The following SDK2 variants were observed in gnomAD, a reference collection of about 807,000 sequenced individuals.
SDK2 encodes the protein sidekick cell adhesion molecule 2.
Under a neutral mutation model 253.9 loss-of-function variants are expected in SDK2, and 105 were observed. That is an observed-to-expected ratio of 0.41 (90% CI 0.35 to 0.49). The LOEUF is 0.49. Ranked by LOEUF, SDK2 falls within the 20% of genes least tolerant of loss-of-function variation. The pLI is 0.06. For missense variants in SDK2, 2,608 were observed against 3,003.0 expected (o/e 0.87, Z 3.07); for synonymous variants, 1,249 against 1,234.9 (o/e 1.01, Z -0.24).
At chr17:73,466,783 C>T (rs2063603025) in intron 3 of SDK2, among the ~76,000 whole-genome samples, 1 of 136,414 alleles carries the variant, frequency 7.3e-6, no homozygotes, top group Non-Finnish European at 1.5e-5. Context: ...ACAGTTCTTT[C>T]CAGGCTGGGC....
intron 1 of SDK2, among the ~76,000 whole-genome samples, chr17:73,553,574 G>C (rs76823789): frequency 6.6e-6 from 1 of 151,328 alleles, no homozygotes; most frequent in South Asian, 2.2e-4. Flanking sequence ...AGGAAGGACA[G>C]GGGGGGACAG....
At chr17:73,381,874 A>T (rs1373135782) in intron 33 of SDK2, among the ~76,000 whole-genome samples, 10 of 150,984 alleles carry the variant, frequency 6.6e-5, no homozygotes, top group Non-Finnish European at 1.3e-4. Flanking sequence ...AGCCTGGGTG[A>T]CAGAGCAAGA....
In SDK2 at chr17:73,431,237, A is replaced by T. The variant is rs985105018; in HGVS notation, c.1480+265T>A. Among the ~76,000 whole-genome samples, 5 of 152,202 alleles carry T rather than the reference A, an allele frequency of 3.3e-5. No individual in the cohort carries two copies. The highest frequency in any genetic ancestry group is 2.6e-4 in the Admixed American group (4 of 15,274). ...TATTTGCCGATTTCTGCCCTAAAAT[A>T]TATGAAGGCAGCTCTCCTATAACTT... On this transcript the variant is annotated intron_variant, in intron 11 of 44. Transcript: ENST00000392650. This position sits in a 1 kb window ranked among gnomAD's most constrained non-coding sequence, Gnocchi z 5.6.
Position 73,361,644 on chromosome 17 carries a change from C to T in SDK2, c.5467+40G>A. On this transcript the variant is annotated intron_variant, in intron 39 of 44. Transcript: ENST00000392650. This position sits in a 1 kb window ranked among gnomAD's most constrained non-coding sequence, Gnocchi z 4.1. ...GCCCCTTCTGACTGGGGACGCTGAACCGCCGTGTGGAAGACATGCCTGGTC... is the reference window on the plus strand; with the variant it reads ...GCCCCTTCTGACTGGGGACGCTGAATCGCCGTGTGGAAGACATGCCTGGTC... 1.9e-6 allele frequency: 3 copies of T among 1,588,140 alleles called. No individual in the cohort carries two copies. The highest frequency in any genetic ancestry group is 1.7e-5 in the Admixed American group (1 of 59,498).
At chr17:73,581,188 G>A (rs902025605) in intron 1 of SDK2, among the ~76,000 whole-genome samples, 12 of 152,036 alleles carry the variant, frequency 7.9e-5, no homozygotes, top group African/African-American at 2.9e-4. Context: ...AGCACTTTTT[G>A]AATTTTAGAT....
rs997366551 is a variant in SDK2, at chr17:73,368,281, G to A, written c.5167+126C>T. ...GTGTCTCTGGGGACCTGGGTACCAC[G>A]ACCAGATCCTCAGGCGGATAAGGCA... On this transcript the variant is annotated intron_variant, in intron 37 of 44. Coordinates refer to ENST00000392650, the MANE Select transcript of SDK2 (RefSeq NM_001144952.2). The A allele has an allele frequency of 8.1e-6, 7 of 863,550 alleles. No homozygotes were observed. In the South Asian group the frequency reaches 9.3e-5, roughly 11 times the overall value. 53.5% of individuals were successfully genotyped at this position (863,550 alleles called of 1,614,324 possible).
At chr17:73,375,334 C>T (rs533291176) in intron 36 of SDK2, among the ~76,000 whole-genome samples, 34 of 147,096 alleles carry the variant, frequency 2.3e-4, no homozygotes, top group Admixed American at 1.0e-3. Context: ...CTCACTCGGC[C>T]GGGCTCAGGC....
intron 1 of SDK2, among the ~76,000 whole-genome samples, chr17:73,607,757 C>A (rs1175634093): frequency 1.3e-5 from 2 of 152,018 alleles, no homozygotes; most frequent in South Asian, 2.1e-4. Flanking sequence ...ATCTCGGGGA[C>A]CTCCTAAGCT....
chr17:73,435,344 C>T lies in SDK2; in HGVS notation c.1195+106G>A, dbSNP rs977061876. The T allele has an allele frequency of 1.7e-5, 20 of 1,173,744 alleles. No homozygotes were observed. The Admixed American group carries it at 5.2e-4, about 30-fold the overall frequency. 72.7% of individuals were successfully genotyped at this position (1,173,744 alleles called of 1,614,324 possible). A position where few individuals can be genotyped will look rare whatever the true frequency, so the allele number is the denominator to read the frequency against. The stretch of plus-strand genomic sequence containing the variant: ...AGGCGGCCTTTGGGGATCCTATCTG[C>T]TTAATGGAACGTGCTATGCACAAGA... On this transcript the variant is annotated intron_variant, in intron 9 of 44. Transcript: ENST00000392650. This position sits in a 1 kb window ranked among gnomAD's most constrained non-coding sequence, Gnocchi z 5.7.
intron 12 of SDK2, among the ~76,000 whole-genome samples, chr17:73,424,949 A>AG (rs778135602): frequency 4.6e-5 from 7 of 152,194 alleles, no homozygotes; most frequent in African/African-American, 7.2e-5. Flanking sequence ...GGCTGGGTGC[A>AG]TGGCTCACAC....
chr17:73,415,672 A>T, intron 17 of SDK2, 139 bp downstream of exon 17: 1 of 690,682 alleles, frequency 1.4e-6, no homozygotes, highest in Non-Finnish European at 2.4e-6. Context: ...CACTTTTTGT[A>T]GAGATGGAGT....
chr17:73,495,720 G>T (rs191550831), intron 2 of SDK2, among the ~76,000 whole-genome samples: 2 of 151,826 alleles, frequency 1.3e-5, no homozygotes, highest in African/African-American at 2.4e-5. Context: ...CACCTTCCCC[G>T]ATCCTCAGGA....
intron 1 of SDK2, among the ~76,000 whole-genome samples, chr17:73,512,388 G>A (rs977466920): frequency 6.6e-6 from 1 of 151,988 alleles, no homozygotes; most frequent in Non-Finnish European, 1.5e-5. Context: ...GTACTAGGAT[G>A]GTGCAGTAAA....
In SDK2 at chr17:73,505,686, CTCATCA is replaced by C. The variant is rs767298422; in HGVS notation, c.224+1746_224+1751del. On this transcript the variant is annotated intron_variant, in intron 2 of 44. Transcript: ENST00000392650. The stretch of plus-strand genomic sequence containing the variant: ...ACCTCATCATCGTCAATAGCTGGAC[CTCATCA>C]TCATCATCATCAATAGCTGGACCTC... Among the ~76,000 whole-genome samples, 208 of 147,072 alleles carry C rather than the reference CTCATCA, an allele frequency of 1.4e-3. 1 individual carries two copies. The highest frequency in any genetic ancestry group is 6.2e-3 in the East Asian group (29 of 4,692).
At chr17:73,340,568 G>A (rs1225485276) in intron 44 of SDK2, among the ~76,000 whole-genome samples, 3 of 152,040 alleles carry the variant, frequency 2.0e-5, no homozygotes, top group African/African-American at 7.2e-5. Context: ...CTTTGTGACT[G>A]GGGACAAAGC....
Position 73,414,718 on chromosome 17 carries a change from T to C in SDK2, c.2410A>G (p.Asn804Asp), listed in dbSNP as rs201669899. The C allele has an allele frequency of 4.1e-5, 66 of 1,613,802 alleles. No homozygotes were observed. In the East Asian group the frequency reaches 1.3e-3, roughly 33 times the overall value. The change falls in exon 18 of 45, where the codon AAT becomes GAT. Residue 804 changes from asparagine to aspartate, a missense_variant. Transcript: ENST00000392650. The part of the protein sequence containing the change: ...PPGNVHAEAT[N>D]STTIRFTWNA... Reference sequence around the variant, plus strand: ...CAGGTGAAGCGGATGGTCGTGGAATTGGTGGCTTCCGCGTGCACATTGCCC... The same window carrying C: ...CAGGTGAAGCGGATGGTCGTGGAATCGGTGGCTTCCGCGTGCACATTGCCC...
intron 1 of SDK2, among the ~76,000 whole-genome samples, chr17:73,597,194 C>T (rs1372052059): frequency 2.6e-5 from 4 of 152,158 alleles, no homozygotes; most frequent in Non-Finnish European, 4.4e-5. Context: ...TTCACCTCAC[C>T]GGGGCCTTGA....
intron 24 of SDK2, among the ~76,000 whole-genome samples, chr17:73,397,238 G>A (rs1260098516): frequency 6.6e-6 from 1 of 152,150 alleles, no homozygotes; most frequent in Non-Finnish European, 1.5e-5. Flanking sequence ...TGCTCCACAC[G>A]CCTCCTGGGA....
At chr17:73,359,044 G>A (rs1388335347) in intron 39 of SDK2, among the ~76,000 whole-genome samples, 2 of 152,028 alleles carry the variant, frequency 1.3e-5, no homozygotes, top group Admixed American at 6.6e-5. Context: ...CCAGAATCCC[G>A]ACCCCACATG....
Sources: gnomAD v4.1 joint callset for allele counts (sites outside exome capture counted in the v4.1 genomes callset) on GRCh38, gnomAD v4.1.1 for gene constraint, Gnocchi (gnomAD v3.1) non-coding constraint, MANE v1.5 for transcripts, NCBI Gene and HGNC (gene_info 2026-07-23, HGNC 2026-07-21) for gene names.